The following NRXN3 variants were observed in gnomAD, a reference collection of about 807,000 sequenced individuals.
NRXN3 encodes neurexin III.
In NRXN3, 32 loss-of-function variants were observed where a neutral mutation model predicts 137.6. That is an observed-to-expected ratio of 0.23 (90% CI 0.18 to 0.31). The LOEUF (loss-of-function observed/expected upper bound fraction) is 0.31, where lower values mean the gene tolerates loss of function less well. NRXN3 is among the 10% of genes least tolerant of loss of function. The pLI is 1.00. For synonymous variants in NRXN3, 798 were observed against 784.5 expected (o/e 1.02, Z -0.29); for missense variants, 1,574 against 2,062.5 (o/e 0.76, Z 4.59).
At position 79,588,879 on chromosome 14, in the gene NRXN3, A is replaced by AAGAT. The variant is rs148749280; in HGVS notation, c.3445-74892_3445-74889dup. On this transcript the variant is annotated intron_variant, in intron 16 of 20. Transcript: ENST00000335750. ...GCAATGCATACTAATCACATCATGG[A>AAGAT]AGATAGATAGGGTATCCATCCCCTC... Among the ~76,000 whole-genome samples the AAGAT allele has an allele frequency of 0.022, 3,313 of 152,334 alleles. 198 individuals are homozygous for AAGAT. In the East Asian group the frequency reaches 0.25, roughly 11 times the overall value.
chr14:78,884,833 T>A (rs1422759202), intron 10 of NRXN3, among the ~76,000 whole-genome samples: 1 of 152,090 alleles, frequency 6.6e-6, no homozygotes, highest in Non-Finnish European at 1.5e-5. Context: ...GCCCTGAAAC[T>A]CTCTGGGTCT....
chr14:79,017,631 G>A (rs1191600968), intron 15 of NRXN3, among the ~76,000 whole-genome samples: 12 of 152,068 alleles, frequency 7.9e-5, no homozygotes, highest in East Asian at 5.8e-4. Flanking sequence ...AATTATAACC[G>A]TAGTCGGGTC....
At chr14:78,762,602 A>G (rs1202900388) in intron 8 of NRXN3, among the ~76,000 whole-genome samples, 1 of 152,218 alleles carries the variant, frequency 6.6e-6, no homozygotes, top group Non-Finnish European at 1.5e-5. Flanking sequence ...AGTCTCCATC[A>G]TGAATACATA....
chr14:79,174,501 T>TTTTATATA (rs1555815275), intron 15 of NRXN3, among the ~76,000 whole-genome samples: 3 of 143,514 alleles, frequency 2.1e-5, no homozygotes, highest in Non-Finnish European at 3.0e-5. Flanking sequence ...ATTGAAAGTT[T>TTTTATATA]TATATATATA....
intron 15 of NRXN3, among the ~76,000 whole-genome samples, chr14:79,427,729 GGCTGAGGCAGGAGAATT>G (rs2095677364): frequency 6.6e-6 from 1 of 151,936 alleles, no homozygotes; most frequent in Non-Finnish European, 1.5e-5. Context: ...CTACTCAGGA[GGCTGAGGCAGGAGAATT>G]GCTTGAACCC....
intron 2 of NRXN3, among the ~76,000 whole-genome samples, chr14:78,272,622 C>G (rs533248602): frequency 2.0e-5 from 3 of 152,258 alleles, no homozygotes; most frequent in Non-Finnish European, 4.4e-5. Flanking sequence ...CTTGAAATAC[C>G]TTTTTCTTAC....
At chr14:79,488,503 A>C in intron 16 of NRXN3, among the ~76,000 whole-genome samples, 1 of 152,228 alleles carries the variant, frequency 6.6e-6, no homozygotes, top group African/African-American at 2.4e-5. Flanking sequence ...GAAATTGACA[A>C]CGCATGGGAG....
chr14:79,700,835 T>C (rs531360334), intron 19 of NRXN3, among the ~76,000 whole-genome samples: 1 of 152,036 alleles, frequency 6.6e-6, no homozygotes, highest in Admixed American at 6.6e-5. Context: ...TGATGTTAAT[T>C]TACTCATAGC....
intron 17 of NRXN3, among the ~76,000 whole-genome samples, chr14:79,688,929 G>GT (rs933509617): frequency 6.6e-6 from 1 of 152,044 alleles, no homozygotes; most frequent in Admixed American, 6.6e-5. Context: ...TGACTAATAT[G>GT]TTTTTTTCTA....
At chr14:79,549,159 T>C (rs1161621638) in intron 16 of NRXN3, among the ~76,000 whole-genome samples, 1 of 152,126 alleles carries the variant, frequency 6.6e-6, no homozygotes, top group Non-Finnish European at 1.5e-5. Context: ...AGCTACTGCA[T>C]TGTTTCCACT....
At chr14:79,238,608 A>G (rs1261569434) in intron 15 of NRXN3, among the ~76,000 whole-genome samples, 1 of 152,182 alleles carries the variant, frequency 6.6e-6, no homozygotes, top group African/African-American at 2.4e-5. Context: ...ATATTACTAT[A>G]TTACTAATGT....
intron 15 of NRXN3, among the ~76,000 whole-genome samples, chr14:79,145,379 T>C (rs190424155): frequency 6.6e-6 from 1 of 152,180 alleles, no homozygotes; most frequent in Non-Finnish European, 1.5e-5. Flanking sequence ...AGACCGAAAG[T>C]CATATCTCAC....
chr14:78,620,615 GAAAGCACTGTCGTGTTT>G (rs1204651842), intron 4 of NRXN3, among the ~76,000 whole-genome samples: 1 of 152,196 alleles, frequency 6.6e-6, no homozygotes. Flanking sequence ...AGAGGAAGAT[GAAAGCACTGTCGTGTTT>G]ACGGTGCTGG....
chr14:79,486,980 A>G (rs955195375), intron 16 of NRXN3, among the ~76,000 whole-genome samples: 2 of 148,612 alleles, frequency 1.3e-5, no homozygotes, highest in Non-Finnish European at 3.0e-5. Flanking sequence ...ACACACCCCA[A>G]GATAAAATCC....
chr14:79,139,084 G>T (rs1449687572), intron 15 of NRXN3, among the ~76,000 whole-genome samples: 1 of 152,202 alleles, frequency 6.6e-6, no homozygotes, highest in African/African-American at 2.4e-5. Flanking sequence ...CAATGGCTTT[G>T]TCAGTGCTGC....
intron 15 of NRXN3, among the ~76,000 whole-genome samples, chr14:79,012,464 G>T (rs2099572841): frequency 6.6e-6 from 1 of 152,178 alleles, no homozygotes; most frequent in Non-Finnish European, 1.5e-5. Flanking sequence ...CAGTAATCTA[G>T]AGCATAATAA....
chr14:79,547,947 G>A (rs914574630), intron 16 of NRXN3, among the ~76,000 whole-genome samples: 3 of 152,144 alleles, frequency 2.0e-5, no homozygotes, highest in African/African-American at 7.2e-5. Flanking sequence ...TGCAGGGGAG[G>A]AGGGGTGAGA....
intron 1 of NRXN3, among the ~76,000 whole-genome samples, chr14:78,179,842 GTTTTT>G (rs796341902): frequency 6.4e-5 from 7 of 109,156 alleles, no homozygotes; most frequent in African/African-American, 2.0e-4. Flanking sequence ...CTGTTTTTTT[GTTTTT>G]TTTTTTTTCT....
chr14:78,793,305 T>A (rs1448310209), intron 8 of NRXN3, among the ~76,000 whole-genome samples: 1 of 152,120 alleles, frequency 6.6e-6, no homozygotes. Context: ...AAACACTTGG[T>A]GAGAACAGTG....
Sources: allele counts gnomAD v4.1 joint callset (sites outside exome capture counted in the v4.1 genomes callset), GRCh38; gene constraint gnomAD v4.1.1; transcripts MANE v1.5; gene names NCBI Gene and HGNC (gene_info 2026-07-23, HGNC 2026-07-21).